TTC6: variants seen among roughly 807,000 people sequenced by gnomAD.
TTC6 encodes the protein tetratricopeptide repeat protein 6.
TTC6 carries 172 observed loss-of-function variants against 210.4 expected under a neutral mutation model. That is an observed-to-expected ratio of 0.82 (90% confidence interval 0.72 to 0.93). The LOEUF is 0.93. TTC6 is among the 40% of genes least tolerant of loss of function. The pLI, the probability that TTC6 is intolerant of heterozygous loss-of-function variation, is 0.00. For missense variants in TTC6, 2,414 were observed against 2,318.1 expected, an observed-to-expected ratio of 1.04 and a Z score of -0.85; for synonymous variants, 804 against 819.6, an observed-to-expected ratio of 0.98 and a Z score of 0.32.
chr14:37,808,944 C>A (rs910836601), intron 24 of TTC6, 98 bp downstream of exon 26: 3 of 638,624 alleles, frequency 4.7e-6, no homozygotes, highest in Non-Finnish European at 8.1e-6. Flanking sequence ...ATTTAATAAA[C>A]AATATGTTAA....
At chr14:37,737,465 T>C (rs1412489025) in intron 8 of TTC6, among the ~76,000 whole-genome samples, 195 bp from the exon 11 acceptor site, 1 of 152,224 alleles carries the variant, frequency 6.6e-6, no homozygotes, top group Non-Finnish European at 1.5e-5. Context: ...TATACACTTT[T>C]CTACATTAAT....
rs1439363778 is a variant in TTC6, at chr14:37,623,013, CCAAAA to C, written c.939+14_939+18del. The C allele has an allele frequency of 3.5e-6, 5 of 1,448,676 alleles. No individual in the cohort carries two copies. The highest frequency in any genetic ancestry group is 2.8e-5 in the Admixed American group (1 of 36,046). The allele number at this position is 1,448,676 out of a possible 1,614,324, so 89.7% of individuals were successfully genotyped here. On this transcript the variant is annotated intron_variant, in intron 1 of 30. Transcript: ENST00000553443. ...CGACATTACAATGGAAGTAGGTGAA[CCAAAA>C]CAAGAGTAACATTTTTCCCAAATGC...
At chr14:37,796,366 C>T (rs768752199) in exon 19 of TTC6, 27 of 1,167,506 alleles carry the variant, frequency 2.3e-5, no homozygotes, top group Non-Finnish European at 3.0e-5. Context: ...CAGAAATGGA[C>T]AAAGGTAAGT....
At chr14:37,692,508 C>T (rs1318931243) in intron 3 of TTC6, among the ~76,000 whole-genome samples, 2 of 151,892 alleles carry the variant, frequency 1.3e-5, no homozygotes, top group African/African-American at 4.8e-5. Flanking sequence ...CCGTCATGAA[C>T]AACAAAAAAT....
intron 1 of TTC6, among the ~76,000 whole-genome samples, chr14:37,639,715 C>CAAAAAAAAAAA (rs35837305): frequency 2.7e-5 from 2 of 74,194 alleles, no homozygotes; most frequent in African/African-American, 1.0e-4. Flanking sequence ...ACAAGAAATA[C>CAAAAAAAAAAA]AAAAAAAAAA....
At chr14:37,617,461 T>A (rs2139278380), upstream of TTC6, among the ~76,000 whole-genome samples, 1 of 152,312 alleles carries the variant, frequency 6.6e-6, no homozygotes, top group South Asian at 2.1e-4. Context: ...GCTTTTTCTC[T>A]ATTTTCTATA....
At chr14:37,645,330 A>C (rs2095699613) in intron 1 of TTC6, among the ~76,000 whole-genome samples, 2 of 152,220 alleles carry the variant, frequency 1.3e-5, no homozygotes, top group African/African-American at 4.8e-5. Flanking sequence ...CAACACACTT[A>C]TTGGTCTCTA....
intron 1 of TTC6, among the ~76,000 whole-genome samples, chr14:37,602,361 T>C (rs1196003420): frequency 2.6e-5 from 4 of 152,218 alleles, no homozygotes. Context: ...TTGCCATGTG[T>C]AATGTAATGA....
chr14:37,638,078 A>G (rs2095684520), intron 1 of TTC6, among the ~76,000 whole-genome samples: 1 of 152,308 alleles, frequency 6.6e-6, no homozygotes, highest in South Asian at 2.1e-4. Context: ...ACTGTCAACA[A>G]CCCAGATGTC....
At position 37,753,381 on chromosome 14, in the gene TTC6, G is replaced by A. The variant is rs1262484210; in HGVS notation, c.3266+146G>A. ...TGCCACCAGTAAATGAAAAATCCTT[G>A]CTTACACCCTAATGGTGTCGGTAAT... is the stretch of plus-strand genomic sequence containing the variant. On this transcript the variant is annotated intron_variant, in intron 14 of 30. Coordinates refer to ENST00000553443, the Ensembl canonical transcript of TTC6. 10 of 684,712 alleles carry A rather than the reference G, an allele frequency of 1.5e-5. No individual in the cohort carries two copies. In the East Asian group the frequency reaches 2.7e-4, roughly 19 times the overall value. 42.4% of individuals were successfully genotyped at this position (684,712 alleles called of 1,614,324 possible).
At chr14:37,744,053 A>G (rs981146759) in intron 10 of TTC6, among the ~76,000 whole-genome samples, 3 of 152,234 alleles carry the variant, frequency 2.0e-5, no homozygotes, top group Non-Finnish European at 4.4e-5. Flanking sequence ...TATATTTTCA[A>G]TGAAGGCAAA....
At chr14:37,645,190 A>T (rs186267051) in intron 1 of TTC6, among the ~76,000 whole-genome samples, 2 of 152,262 alleles carry the variant, frequency 1.3e-5, no homozygotes, top group East Asian at 3.9e-4. Flanking sequence ...AAAACTTTTC[A>T]GCTGTGGAAA....
intron 6 of TTC6, chr14:37,720,542 C>G (rs2095859773): frequency 3.5e-5 from 5 of 144,090 alleles, no homozygotes; most frequent in Admixed American, 1.4e-4. Context: ...GCTATGAACA[C>G]TGAAGCAGGT....
intron 16 of TTC6, 128 bp downstream of exon 18, chr14:37,790,965 C>A: frequency 1.3e-6 from 1 of 741,132 alleles, no homozygotes; most frequent in East Asian, 2.9e-5. Flanking sequence ...TAAAGTCATC[C>A]TAGAATTAGA....
chr14:37,739,484 G>C (rs1345945236), intron 10 of TTC6, among the ~76,000 whole-genome samples: 1 of 151,064 alleles, frequency 6.6e-6, no homozygotes, highest in Non-Finnish European at 1.5e-5. Context: ...GCTGAGAAGA[G>C]GTTGAACCTG....
intron 20 of TTC6, 132 bp from the exon 23 acceptor site, chr14:37,804,548 T>C: frequency 8.3e-7 from 1 of 1,205,036 alleles, no homozygotes; most frequent in Non-Finnish European, 1.2e-6. Flanking sequence ...CTTCACCAGG[T>C]CTGTTTGTCC....
At chr14:37,775,393 G>A (rs533165678) in intron 14 of TTC6, among the ~76,000 whole-genome samples, 28 of 152,194 alleles carry the variant, frequency 1.8e-4, no homozygotes, top group Non-Finnish European at 2.5e-4. Context: ...TTAACACTGC[G>A]TTAGCTGTAT....
intron 1 of TTC6, among the ~76,000 whole-genome samples, chr14:37,603,277 G>T (rs2095619233): frequency 6.6e-6 from 1 of 152,210 alleles, no homozygotes; most frequent in Non-Finnish European, 1.5e-5. Flanking sequence ...CAAGTGAGGA[G>T]CCTGGACCTG....
chr14:37,641,189 T>C (rs2139384328), intron 1 of TTC6, among the ~76,000 whole-genome samples: 1 of 152,326 alleles, frequency 6.6e-6, no homozygotes, highest in Middle Eastern at 3.4e-3. Context: ...CATTGACATA[T>C]TGTACATGGG....
Sources: gnomAD v4.1 joint callset for allele counts (sites outside exome capture counted in the v4.1 genomes callset) on GRCh38, gnomAD v4.1.1 for gene constraint, MANE v1.5 for transcripts, NCBI Gene and HGNC (gene_info 2026-07-23, HGNC 2026-07-21) for gene names.